The following MACROD2 variants were observed in gnomAD, a reference collection of about 807,000 sequenced individuals.
MACROD2 encodes ADP-ribose glycohydrolase MACROD2.
In MACROD2, 36 loss-of-function variants were observed where a neutral mutation model predicts 70.4. That is an observed-to-expected ratio of 0.51 (90% CI 0.39 to 0.68). The LOEUF is 0.68. Ranked by LOEUF, MACROD2 falls within the 30% of genes least tolerant of loss-of-function variation. The pLI, the probability that MACROD2 is intolerant of heterozygous loss-of-function variation, is 0.00. For synonymous variants in MACROD2, 172 were observed against 178.8 expected (o/e 0.96, Z 0.30); for missense variants, 496 against 538.4 (o/e 0.92, Z 0.78).
At chr20:15,384,507 G>T (rs967035926) in intron 6 of MACROD2, among the ~76,000 whole-genome samples, 1 of 152,118 alleles carries the variant, frequency 6.6e-6, no homozygotes, top group Non-Finnish European at 1.5e-5. Flanking sequence ...TGAACTACAT[G>T]AAACCTCGTA....
chr20:14,602,577 A>T (rs997912093), intron 4 of MACROD2, among the ~76,000 whole-genome samples: 3 of 152,134 alleles, frequency 2.0e-5, no homozygotes, highest in Admixed American at 6.5e-5. Flanking sequence ...TCTGTTTGGA[A>T]CACTGACATT....
chr20:14,152,601 A>T (rs985555633), intron 3 of MACROD2, among the ~76,000 whole-genome samples: 1 of 151,850 alleles, frequency 6.6e-6, no homozygotes, highest in African/African-American at 2.4e-5. Flanking sequence ...TAATTTTTGT[A>T]TTTTTAGTAG....
intron 3 of MACROD2, among the ~76,000 whole-genome samples, chr20:14,395,891 T>A (rs1286848838): frequency 6.6e-6 from 1 of 152,220 alleles, no homozygotes; most frequent in South Asian, 2.1e-4. Context: ...TTGAGGATTT[T>A]CCAAGCATCT....
intron 3 of MACROD2, among the ~76,000 whole-genome samples, chr20:14,388,706 C>A (rs2083493851): frequency 6.6e-6 from 1 of 152,120 alleles, no homozygotes; most frequent in Admixed American, 6.5e-5. Context: ...TATGGCACAT[C>A]TCAAGCAATT....
chr20:15,178,592 A>G (rs1255366721), intron 5 of MACROD2, among the ~76,000 whole-genome samples: 2 of 152,126 alleles, frequency 1.3e-5, no homozygotes, highest in East Asian at 3.9e-4. Context: ...CTCCCTATCA[A>G]TCCTGAAAAT....
At chr20:15,032,905 T>C (rs542376958) in intron 5 of MACROD2, among the ~76,000 whole-genome samples, 1 of 152,332 alleles carries the variant, frequency 6.6e-6, no homozygotes, top group African/African-American at 2.4e-5. Context: ...TAAAAAGGAA[T>C]GGAATTCTGT....
intron 4 of MACROD2, among the ~76,000 whole-genome samples, chr20:14,558,327 A>G (rs1271763878): frequency 1.3e-5 from 2 of 151,714 alleles, no homozygotes; most frequent in East Asian, 3.9e-4. Flanking sequence ...TGTATTTTTA[A>G]AGGGCCTGGT....
At chr20:14,083,261 C>G (rs945356910) in intron 2 of MACROD2, among the ~76,000 whole-genome samples, 8 of 151,534 alleles carry the variant, frequency 5.3e-5, no homozygotes, top group African/African-American at 1.9e-4. Flanking sequence ...GTGAAACCCC[C>G]TCTCTCCTAA....
intron 3 of MACROD2, among the ~76,000 whole-genome samples, chr20:14,178,726 C>CTTTTT (rs79773305): frequency 9.7e-5 from 10 of 102,972 alleles, no homozygotes; most frequent in Admixed American, 2.0e-4. Context: ...GCCAAGTCAG[C>CTTTTT]TTTTTTTTTT....
chr20:15,763,786 G>A (rs1380640561), intron 8 of MACROD2, among the ~76,000 whole-genome samples: 1 of 152,162 alleles, frequency 6.6e-6, no homozygotes, highest in Admixed American at 6.5e-5. Flanking sequence ...ACAGACCAAT[G>A]CATTCAAAGG....
At chr20:14,577,726 A>G (rs1394775895) in intron 4 of MACROD2, among the ~76,000 whole-genome samples, 5 of 151,682 alleles carry the variant, frequency 3.3e-5, no homozygotes, top group Admixed American at 6.6e-5. Flanking sequence ...AGGTTACAGT[A>G]AGCTATGATG....
intron 9 of MACROD2, among the ~76,000 whole-genome samples, chr20:15,876,091 T>TTTTATATATATA (rs1555789633): frequency 1.0e-3 from 33 of 33,120 alleles, no homozygotes; most frequent in Admixed American, 3.4e-3. Flanking sequence ...TACATGTCTT[T>TTTTATATATATA]TATATATATA....
chr20:14,299,670 A>C (rs964003686), intron 3 of MACROD2, among the ~76,000 whole-genome samples: 4 of 152,176 alleles, frequency 2.6e-5, no homozygotes, highest in Admixed American at 6.5e-5. Context: ...ATTATTTTTT[A>C]AATAAAACTT....
intron 8 of MACROD2, among the ~76,000 whole-genome samples, chr20:15,551,405 A>C (rs1355936466): frequency 5.4e-5 from 8 of 147,300 alleles, no homozygotes; most frequent in African/African-American, 2.0e-4. Flanking sequence ...GTGGGCTTTT[A>C]TTTATTTATT....
At chr20:14,038,587 C>T (rs780076156) in intron 2 of MACROD2, among the ~76,000 whole-genome samples, 5 of 151,978 alleles carry the variant, frequency 3.3e-5, no homozygotes, top group Non-Finnish European at 5.9e-5. Context: ...TGTGTTTATG[C>T]GTTATGTCTT....
intron 3 of MACROD2, chr20:14,337,299 C>T (rs564654263): frequency 3.0e-4 from 86 of 290,060 alleles, no homozygotes; most frequent in Middle Eastern, 2.9e-3. Flanking sequence ...ACAGAGCAAA[C>T]GTTCCTATTT....
intron 8 of MACROD2, among the ~76,000 whole-genome samples, chr20:15,709,193 G>T (rs943949679): frequency 6.6e-6 from 1 of 152,108 alleles, no homozygotes; most frequent in African/African-American, 2.4e-5. Context: ...AACCACCAGG[G>T]GGCGGTGCAC....
chr20:15,312,804 A>G (rs1234701611), intron 6 of MACROD2, among the ~76,000 whole-genome samples: 2 of 152,198 alleles, frequency 1.3e-5, no homozygotes, highest in Non-Finnish European at 2.9e-5. Flanking sequence ...ATTTTCTACC[A>G]GTATCTGTAT....
chr20:15,625,649 G>C (rs913228037), intron 8 of MACROD2, among the ~76,000 whole-genome samples: 5 of 152,024 alleles, frequency 3.3e-5, no homozygotes, highest in African/African-American at 1.2e-4. Flanking sequence ...AGAAATACAA[G>C]AACTAGTAAG....
Sources: allele counts gnomAD v4.1 joint callset (sites outside exome capture counted in the v4.1 genomes callset), GRCh38; gene constraint gnomAD v4.1.1; transcripts MANE v1.5; gene names NCBI Gene and HGNC (gene_info 2026-07-23, HGNC 2026-07-21).